LSM5: variants seen among roughly 807,000 people sequenced by gnomAD.
The protein encoded by LSM5 is LSM5 homolog, U6 small nuclear RNA and mRNA degradation associated.
LSM5 carries 8 observed loss-of-function variants against 13.8 expected under a neutral mutation model. The observed-to-expected ratio is 0.58, with a 90% confidence interval of 0.34 to 1.04. LSM5 has a LOEUF of 1.04. Among genes scored for constraint, LSM5 ranks in the 50% least tolerant of loss-of-function variants. The pLI is 0.03. For missense variants in LSM5, 80 were observed against 108.1 expected (o/e 0.74, Z 1.15); for synonymous variants, 35 against 37.0 (o/e 0.95, Z 0.20).
intron 1 of LSM5, chr7:32,489,924 A>G: frequency 1.4e-6 from 1 of 730,224 alleles, no homozygotes; most frequent in South Asian, 1.9e-5. Context: ...TTTAAGGCTC[A>G]TTCCGGACCA....
At chr7:32,491,107 A>G (rs1786574097), upstream of LSM5, among the ~76,000 whole-genome samples, 1 of 152,204 alleles carries the variant, frequency 6.6e-6, no homozygotes, top group African/African-American at 2.4e-5. Flanking sequence ...TTAAACCTGA[A>G]CAGTCTAGGT....
At chr7:32,494,685 TC>T (rs1311183756), upstream of LSM5, among the ~76,000 whole-genome samples, 1 of 152,188 alleles carries the variant, frequency 6.6e-6, no homozygotes, top group Non-Finnish European at 1.5e-5. Context: ...TGTAGTACAA[TC>T]AGTAAAGGAA....
At chr7:32,487,816 G>C in intron 3 of LSM5, 59 bp from the exon 4 acceptor site, 1 of 883,166 alleles carries the variant, frequency 1.1e-6, no homozygotes, top group Non-Finnish European at 1.9e-6. Flanking sequence ...CCAACATTTT[G>C]GAAATACTTA....
intron 3 of LSM5, 71 bp from the exon 4 acceptor site, chr7:32,487,828 C>T: frequency 1.2e-6 from 1 of 801,250 alleles, no homozygotes; most frequent in South Asian, 1.4e-5. Context: ...AAATACTTAC[C>T]CTCCCTAAAA....
At position 32,490,236 on chromosome 7, in the gene LSM5, C is replaced by T. The variant is rs1354678940; in HGVS notation, c.46+84G>A. 3.7e-6 allele frequency: 6 copies of T among 1,612,506 alleles called. No homozygotes were observed. In the South Asian group the frequency reaches 6.6e-5, roughly 18 times the overall value. ...GTCTTATACATTTCCCCACACTCGG[C>T]CAGGGCCTGCCTCGGAACAGCCCCT... On this transcript the variant is annotated intron_variant, in intron 1 of 4. Coordinates refer to ENST00000450169, the MANE Select transcript of LSM5 (RefSeq NM_012322.3).
At position 32,488,596 on chromosome 7, in the gene LSM5, A is replaced by G. The variant is rs1252146759; in HGVS notation, c.170+29T>C. 4 of 1,507,068 alleles carry G rather than the reference A, an allele frequency of 2.7e-6. No individual in the cohort carries two copies. In the African/African-American group the frequency reaches 4.1e-5, roughly 16 times the overall value. 93.4% of individuals were successfully genotyped at this position (1,507,068 alleles called of 1,614,324 possible). On this transcript the variant is annotated intron_variant, in intron 3 of 4. Transcript: ENST00000450169. Reference sequence around the variant, plus strand: ...TAAAACTGTCTTTAATTAAGAAGAGATTCCCCCCAATTCTTTAACACTACT... The same window carrying G: ...TAAAACTGTCTTTAATTAAGAAGAGGTTCCCCCCAATTCTTTAACACTACT...
At chr7:32,490,026 T>G in intron 1 of LSM5, 4 of 1,386,884 alleles carry the variant, frequency 2.9e-6, no homozygotes, top group Non-Finnish European at 3.8e-6. Context: ...GCCTACTACC[T>G]ATAACACTGC....
chr7:32,490,205 C>T (rs773816184), intron 1 of LSM5, 115 bp downstream of exon 1: 2 of 1,593,530 alleles, frequency 1.3e-6, no homozygotes, highest in Admixed American at 1.8e-5. Flanking sequence ...AGTCGAACCG[C>T]ATTTGGTCTT....
rs1448953314 is a variant in LSM5 at position 32,486,014 on chromosome 7, AAGAGG to A, written c.*1242_*1246del. 3.3e-5 allele frequency: 5 copies of A among 152,128 alleles called. No individual in the cohort carries two copies. Among genetic ancestry groups the A allele is most frequent in the Admixed American group, 3.3e-4 (5 of 15,272 alleles). 9.4% of individuals were successfully genotyped at this position (152,128 alleles called of 1,614,324 possible). ...GCCCGGTTTTCTTGTAAAAATGGCAAAGAGGAGAGAAGGTAGAACACAGCTAATGC... is the reference window on the plus strand; with the variant it reads ...GCCCGGTTTTCTTGTAAAAATGGCAAAGAGAAGGTAGAACACAGCTAATGC... On this transcript the variant is annotated 3_prime_UTR_variant, in exon 5 of 5. Coordinates refer to ENST00000450169, the MANE Select transcript of LSM5 (RefSeq NM_012322.3).
chr7:32,487,138 G>T lies in LSM5; in HGVS notation c.*123C>A. 1 of 799,450 alleles carries T rather than the reference G, an allele frequency of 1.3e-6. No individual in the cohort carries two copies. The highest frequency in any genetic ancestry group is 2.3e-5 in the Admixed American group (1 of 44,038). 49.5% of individuals were successfully genotyped at this position (799,450 alleles called of 1,614,324 possible). On this transcript the variant is annotated 3_prime_UTR_variant, in exon 5 of 5. Transcript: ENST00000450169. The stretch of plus-strand genomic sequence containing the variant: ...ACAAAAATGGGTACACATCTTCAAA[G>T]CACTTCCCTTTAACGGGAAACTTAG...
intron 3 of LSM5, chr7:32,488,068 C>T (rs1786490241): frequency 3.1e-6 from 1 of 326,292 alleles, no homozygotes. Flanking sequence ...TTTTAAGAGA[C>T]AGGGTCTTGC....
chr7:32,488,007 G>A (rs1786488110), intron 3 of LSM5: 4 of 412,474 alleles, frequency 9.7e-6, no homozygotes, highest in South Asian at 3.0e-5. Flanking sequence ...AGAAGTGAAA[G>A]CTTGCCCAGG....
upstream of LSM5, among the ~76,000 whole-genome samples, chr7:32,491,831 C>G (rs1050150166): frequency 2.0e-5 from 3 of 152,196 alleles, no homozygotes; most frequent in African/African-American, 7.2e-5. Flanking sequence ...CTACATAAAG[C>G]TAGCATTGCT....
At chr7:32,494,361 CAGAAA>C (rs56936760), upstream of LSM5, among the ~76,000 whole-genome samples, 80,248 of 151,848 alleles carry the variant, frequency 0.53, 22,397 homozygotes, top group East Asian at 0.67. Flanking sequence ...TTTTGTAATA[CAGAAA>C]AGAAATGTAT....
chr7:32,490,207 T>G, intron 1 of LSM5, 113 bp downstream of exon 1: 2 of 1,593,728 alleles, frequency 1.3e-6, no homozygotes, highest in East Asian at 2.3e-5. Flanking sequence ...TCGAACCGCA[T>G]TTGGTCTTAT....
intron 3 of LSM5, chr7:32,488,220 T>G (rs1786492924): frequency 4.9e-6 from 1 of 202,412 alleles, no homozygotes; most frequent in African/African-American, 2.4e-5. Context: ...AAATTTTTTA[T>G]AGAGACAGGG....
At chr7:32,487,992 T>C (rs1464278142) in intron 3 of LSM5, 1 of 425,808 alleles carries the variant, frequency 2.3e-6, no homozygotes, top group Non-Finnish European at 4.2e-6. Context: ...CAGAGCTTCA[T>C]AAAAAGAAGT....
At chr7:32,490,797 TA>T (rs905807432), upstream of LSM5, 2 of 187,948 alleles carry the variant, frequency 1.1e-5, no homozygotes, top group African/African-American at 4.8e-5. Flanking sequence ...TGTTTCTTTT[TA>T]AAGTCCAGTG....
At chr7:32,493,834 C>A (rs1030347226), upstream of LSM5, among the ~76,000 whole-genome samples, 1 of 151,226 alleles carries the variant, frequency 6.6e-6, no homozygotes, top group African/African-American at 2.4e-5. Flanking sequence ...AGCCACCACG[C>A]CTGACCCTCT....
Sources: gnomAD v4.1 joint callset for allele counts (sites outside exome capture counted in the v4.1 genomes callset) on GRCh38, gnomAD v4.1.1 for gene constraint, MANE v1.5 for transcripts, NCBI Gene and HGNC (gene_info 2026-07-23, HGNC 2026-07-21) for gene names.